The following CHD7 variants were observed in gnomAD, a reference collection of about 807,000 sequenced individuals.
CHD7 encodes the protein chromodomain helicase DNA binding protein 7, also known as ATP-dependent chromatin remodeler CHD7.
A neutral mutation model predicts 307.3 loss-of-function variants in CHD7; 24 were observed. The observed-to-expected ratio is 0.08, with a 90% CI of 0.06 to 0.11. CHD7 has a LOEUF of 0.11. Among genes scored for constraint, CHD7 ranks in the 10% least tolerant of loss-of-function variants. The pLI is 1.00. For synonymous variants in CHD7, 1,363 were observed against 1,349.9 expected, an observed-to-expected ratio of 1.01 and a Z score of -0.21; for missense variants, 3,106 against 3,727.1, an observed-to-expected ratio of 0.83 and a Z score of 4.34.
chr8:60,801,345 T>C lies in CHD7; in HGVS notation c.2377-183T>C, dbSNP rs74910983. ...ATCATGAAGTAATATTAAGCACAGA[T>C]CTCCTTTTTGCCTTTCAGTAGAGTG... On this transcript the variant is annotated intron_variant, in intron 5 of 37. Coordinates refer to ENST00000423902, the MANE Select transcript of CHD7 (RefSeq NM_017780.4). Among the ~76,000 whole-genome samples, 236 of 152,322 alleles carry C rather than the reference T, an allele frequency of 1.5e-3. 3 individuals are homozygous for C. The East Asian group carries it at 0.036, about 23-fold the overall frequency.
At chr8:60,761,233 A>G (rs1261175687) in intron 2 of CHD7, among the ~76,000 whole-genome samples, 4 of 150,860 alleles carry the variant, frequency 2.7e-5, no homozygotes, top group Non-Finnish European at 5.9e-5. Context: ...TCAGTAAACT[A>G]TCGCAAGAAC....
At chr8:60,799,123 A>G (rs188100711) in intron 4 of CHD7, among the ~76,000 whole-genome samples, 29 of 152,368 alleles carry the variant, frequency 1.9e-4, no homozygotes, top group Admixed American at 1.8e-3. Context: ...AGAAGTTAAT[A>G]TATCGATGAA....
intron 7 of CHD7, among the ~76,000 whole-genome samples, chr8:60,816,113 G>GTCTCTCTCTCTCTCTCTCTCTCTCTCTC (rs201056061): frequency 7.2e-6 from 1 of 139,236 alleles, no homozygotes; most frequent in Non-Finnish European, 1.5e-5. Context: ...CTGTCTGTCT[G>GTCTCTCTCTCTCTCTCTCTCTCTCTCTC]TCTCTCTCTC....
At chr8:60,693,056 G>A (rs1277185307) in intron 1 of CHD7, among the ~76,000 whole-genome samples, 1 of 152,184 alleles carries the variant, frequency 6.6e-6, no homozygotes, top group Non-Finnish European at 1.5e-5. Context: ...TTGAACTTAG[G>A]CTCTGCACTG....
At chr8:60,715,898 C>T (rs887698554) in intron 1 of CHD7, among the ~76,000 whole-genome samples, 5 of 152,184 alleles carry the variant, frequency 3.3e-5, no homozygotes, top group Non-Finnish European at 7.4e-5. Context: ...TAACTGTCCA[C>T]GCCCTGTGTC....
intron 7 of CHD7, among the ~76,000 whole-genome samples, chr8:60,811,086 C>T (rs752958817): frequency 6.6e-6 from 1 of 152,164 alleles, no homozygotes; most frequent in Non-Finnish European, 1.5e-5. Context: ...ACCAAGGACC[C>T]GCCCCAGTCC....
At chr8:60,821,031 A>G (rs1470776263) in intron 9 of CHD7, among the ~76,000 whole-genome samples, 1 of 152,198 alleles carries the variant, frequency 6.6e-6, no homozygotes, top group African/African-American at 2.4e-5. Flanking sequence ...ATTACCTGAA[A>G]TATTTTGCCC....
At position 60,725,571 on chromosome 8, in the gene CHD7, T is replaced by C. The variant is rs74981299; in HGVS notation, c.-174-15688T>C. 1.4e-3 allele frequency among the ~76,000 whole-genome samples: 215 copies of C among 152,338 alleles called. 3 individuals are homozygous for C. In the East Asian group the frequency reaches 0.031, roughly 22 times the overall value. ...AATTATGGAGGTTACTTCTCACTCA[T>C]ATTTTTTCAGCAAGGAATTGGGAAA... is the stretch of plus-strand genomic sequence containing the variant. On this transcript the variant is annotated intron_variant, in intron 1 of 37. Coordinates refer to ENST00000423902, the MANE Select transcript of CHD7 (RefSeq NM_017780.4).
At chr8:60,690,473 T>TA (rs953253219) in intron 1 of CHD7, among the ~76,000 whole-genome samples, 64 of 151,976 alleles carry the variant, frequency 4.2e-4, no homozygotes, top group African/African-American at 1.4e-3. Flanking sequence ...TCCCACTTAT[T>TA]AAAAAAAATA....
chr8:60,725,963 A>C (rs1274082014), intron 1 of CHD7, among the ~76,000 whole-genome samples: 2 of 152,186 alleles, frequency 1.3e-5, no homozygotes, highest in Admixed American at 1.3e-4. Flanking sequence ...AGAACAAGCA[A>C]ATGTGTTCTG....
At chr8:60,685,094 G>T (rs773335113) in intron 1 of CHD7, among the ~76,000 whole-genome samples, 25 of 152,212 alleles carry the variant, frequency 1.6e-4, no homozygotes, top group Non-Finnish European at 3.1e-4. Context: ...GCAAGAATCA[G>T]ATCTGCTGAA....
At chr8:60,797,930 C>T (rs1019359303) in intron 4 of CHD7, among the ~76,000 whole-genome samples, 7 of 152,098 alleles carry the variant, frequency 4.6e-5, no homozygotes, top group Non-Finnish European at 8.8e-5. Context: ...GACTTTAGTC[C>T]TACTAATTAC....
In CHD7 at chr8:60,828,788, T is replaced by C. The variant is rs1804368811; in HGVS notation, c.3504T>C (p.Asp1168=). ...CCACATTTATGCAAGAATTTGGTGA[T>C]CTAAAAACAGAAGAGCAGGTATTTA... The part of the protein sequence containing the change: ...SETTFMQEFG[D]LKTEEQVQKL... The change falls in exon 14 of 38, where the codon GAT becomes GAC. Residue 1168 remains aspartate (D), a synonymous_variant. Coordinates refer to ENST00000423902, the MANE Select transcript of CHD7 (RefSeq NM_017780.4). 11 of 1,613,640 alleles carry C rather than the reference T, an allele frequency of 6.8e-6. No individual in the cohort carries two copies. Among genetic ancestry groups the C allele is most frequent in the Non-Finnish European group, 9.3e-6 (11 of 1,179,682 alleles).
chr8:60,770,074 A>G (rs2085182044), intron 2 of CHD7, among the ~76,000 whole-genome samples: 1 of 152,262 alleles, frequency 6.6e-6, no homozygotes, highest in Non-Finnish European at 1.5e-5. Flanking sequence ...AAGAGTTCTA[A>G]AATGAGTACA....
rs768141725 is a variant in CHD7 at position 60,853,114 on chromosome 8, A to T, written c.6389A>T (p.Asn2130Ile). The change falls in exon 31 of 38, where the codon AAC becomes ATC. Residue 2130 changes from asparagine to isoleucine, a missense_variant. This residue lies in a region of CHD7 where 1,030 missense variants were observed against 1,165.4 expected (regional missense o/e 0.88). Transcript: ENST00000423902. ...PELSFLDAHKNFAQNRGAGNT... is the reference protein window; with the variant it reads ...PELSFLDAHKIFAQNRGAGNT... ...TTATCCTTCTTGGATGCACATAAAA[A>T]CTTTGCTCAAAACAGAGGGGCAGGT... is the stretch of plus-strand genomic sequence containing the variant. 2.5e-6 allele frequency: 4 copies of T among 1,613,898 alleles called. No individual in the cohort carries two copies. In the Admixed American group the frequency reaches 6.7e-5, roughly 27 times the overall value.
At chr8:60,834,533 A>G (rs1804660626) in intron 15 of CHD7, among the ~76,000 whole-genome samples, 2 of 152,212 alleles carry the variant, frequency 1.3e-5, no homozygotes, top group African/African-American at 4.8e-5. Context: ...ATTCAAGAAC[A>G]TTCTTGCTAG....
In CHD7 at chr8:60,865,641, G is replaced by A. The variant is rs1806210207; in HGVS notation, c.8702G>A (p.Gly2901Asp). The part of the protein sequence containing the change: ...NPFLLSTMAP[G>D]LFYPSMFLPP... The stretch of plus-strand genomic sequence containing the variant: ...TTCCTCCTGTCCACAATGGCCCCGG[G>A]CCTCTTCTACCCATCCATGTTTCTA... Residue 2901 changes from glycine (G) to aspartate (D), a missense_variant, in exon 38 of 38, where the codon GGC becomes GAC. Gly to Asp is a moderately conservative substitution (Grantham distance 94). Transcript: ENST00000423902. The surrounding 1 kb of genome is among the most constrained non-coding windows in gnomAD (Gnocchi z 4.3). The A allele has an allele frequency of 6.2e-7, 1 of 1,611,478 alleles. No individual in the cohort carries two copies. The highest frequency in any genetic ancestry group is 1.1e-5 in the South Asian group (1 of 91,002).
At chr8:60,787,669 T>C (rs767056902) in intron 3 of CHD7, among the ~76,000 whole-genome samples, 2 of 152,162 alleles carry the variant, frequency 1.3e-5, no homozygotes, top group Non-Finnish European at 2.9e-5. Context: ...GAGTTAGGCT[T>C]CCATTATAAT....
chr8:60,762,860 G>A (rs1191103758), intron 2 of CHD7, among the ~76,000 whole-genome samples: 1 of 152,144 alleles, frequency 6.6e-6, no homozygotes, highest in East Asian at 1.9e-4. Context: ...GATCTTGCAG[G>A]GTGGGGAGAC....
Sources: gnomAD v4.1 joint callset for allele counts (sites outside exome capture counted in the v4.1 genomes callset) on GRCh38, gnomAD v4.1.1 for gene constraint, gnomAD v4.1.1 regional missense constraint, Gnocchi (gnomAD v3.1) non-coding constraint, MANE v1.5 for transcripts, NCBI Gene and HGNC (gene_info 2026-07-23, HGNC 2026-07-21) for gene names.